CNTNAP3B: variants seen among roughly 807,000 people sequenced by gnomAD.
CNTNAP3B encodes contactin associated protein family member 3B.
A neutral mutation model predicts 108.9 loss-of-function variants in CNTNAP3B; 25 were observed. The ratio of observed to expected loss-of-function variants is 0.23; its 90% CI spans 0.17 to 0.32. CNTNAP3B has a LOEUF of 0.32. CNTNAP3B is among the 10% of genes least tolerant of loss of function. The pLI is 1.00. For synonymous variants in CNTNAP3B, 103 were observed against 473.4 expected (o/e 0.22, Z 10.16); for missense variants, 252 against 1,210.4 (o/e 0.21, Z 11.75).
intron 12 of CNTNAP3B, among the ~76,000 whole-genome samples, chr9:41,958,707 AAAC>A (rs1824956899): frequency 6.6e-6 from 1 of 150,776 alleles, no homozygotes; most frequent in Non-Finnish European, 1.5e-5. Flanking sequence ...TGAAAACAAA[AAAC>A]AAAACAAAAC....
At chr9:42,042,537 T>C (rs1587224755) in intron 3 of CNTNAP3B, among the ~76,000 whole-genome samples, 2 of 136,942 alleles carry the variant, frequency 1.5e-5, no homozygotes, top group African/African-American at 2.9e-5. Context: ...AACCATTTTT[T>C]TCTTGCCATT....
chr9:41,964,411 T>G, intron 11 of CNTNAP3B, 127 bp downstream of exon 11: 1 of 1,433,848 alleles, frequency 7.0e-7, no homozygotes, highest in South Asian at 1.5e-5. Context: ...AAACTAGAAA[T>G]TGAGTGCTGA....
chr9:41,959,763 A>T (rs1003695387), intron 12 of CNTNAP3B, among the ~76,000 whole-genome samples: 1 of 152,310 alleles, frequency 6.6e-6, no homozygotes, highest in Non-Finnish European at 1.5e-5. Context: ...ATGTAATTTC[A>T]GTTATTTGTT....
intron 13 of CNTNAP3B, among the ~76,000 whole-genome samples, chr9:41,940,341 C>G (rs1824297122): frequency 6.6e-6 from 1 of 152,392 alleles, no homozygotes; most frequent in East Asian, 1.9e-4. Context: ...ATCTTGAAAG[C>G]AGCCTGAGAG....
At chr9:42,016,882 T>A (rs1348959745) in intron 3 of CNTNAP3B, among the ~76,000 whole-genome samples, 1 of 151,186 alleles carries the variant, frequency 6.6e-6, no homozygotes, top group Non-Finnish European at 1.5e-5. Context: ...AGATTATAAA[T>A]CATTTATTTT....
intron 3 of CNTNAP3B, among the ~76,000 whole-genome samples, chr9:42,028,944 A>G (rs1826460877): frequency 6.6e-6 from 1 of 151,768 alleles, no homozygotes; most frequent in Non-Finnish European, 1.5e-5. Flanking sequence ...TGGCATTTAA[A>G]TGAGTCGGCA....
chr9:41,941,554 T>A (rs1308729452), intron 13 of CNTNAP3B, among the ~76,000 whole-genome samples: 1 of 137,340 alleles, frequency 7.3e-6, no homozygotes, highest in African/African-American at 2.8e-5. Context: ...TGGTTTCCAA[T>A]CTGATATGAC....
chr9:42,047,678 C>CCCTT (rs371573105), intron 3 of CNTNAP3B, among the ~76,000 whole-genome samples: 6,715 of 19,162 alleles, frequency 0.35, 2,018 homozygotes, highest in Middle Eastern at 0.54. Context: ...GCCCCTTCCT[C>CCCTT]CCTTCCTTCC....
chr9:41,953,392 C>T lies in CNTNAP3B; in HGVS notation c.1877-6G>A, dbSNP rs1160499129. On this transcript the variant is annotated splice_region_variant and splice_polypyrimidine_tract_variant and intron_variant, in intron 12 of 23. Coordinates refer to ENST00000377561, the MANE Select transcript of CNTNAP3B (RefSeq NM_001201380.3). ...CACCGTCCACGCGGAGTCTGCTGAGCAGAAACGGGCAAAGGAGAGGCATCA... is the reference window on the plus strand; with the variant it reads ...CACCGTCCACGCGGAGTCTGCTGAGTAGAAACGGGCAAAGGAGAGGCATCA... 4.6e-6 allele frequency: 7 copies of T among 1,536,874 alleles called. No homozygotes were observed. Among genetic ancestry groups the T allele is most frequent in the Non-Finnish European group, 6.1e-6 (7 of 1,143,724 alleles).
intron 3 of CNTNAP3B, among the ~76,000 whole-genome samples, chr9:42,058,488 T>C (rs548241908): frequency 5.5e-5 from 8 of 144,362 alleles, no homozygotes; most frequent in South Asian, 2.2e-4. Context: ...TTTTTTCATA[T>C]ACCTGTTGGC....
rs189079168 is a variant in CNTNAP3B, at chr9:42,128,372, T to C, written c.85+638A>G. Among the ~76,000 whole-genome samples, 660 of 136,108 alleles carry C rather than the reference T, an allele frequency of 4.8e-3. 97 individuals carry two copies. The highest frequency in any genetic ancestry group is 8.1e-3 in the Non-Finnish European group (516 of 64,074). 89.3% of individuals were successfully genotyped at this position (136,108 alleles called of 152,430 possible). ...TAAAATATTAGCATCCAGAGAGGAA[T>C]CATTTTCAAGATCACCTAAATGACT... On this transcript the variant is annotated intron_variant, in intron 1 of 23. Transcript: ENST00000377561.
chr9:42,098,060 C>T lies in CNTNAP3B; in HGVS notation c.196+6569G>A. 1.4e-5 allele frequency among the ~76,000 whole-genome samples: 2 copies of T among 138,554 alleles called. 1 individual carries two copies. The allele number at this position is 138,554 out of a possible 152,430, so 90.9% of individuals were successfully genotyped here. A position where few individuals can be genotyped will look rare whatever the true frequency, so the allele number is the denominator to read the frequency against. ...GGAGTGATATCTCTAAGATTTTTTT[C>T]CACAAATAAACATTCATACATATTA... On this transcript the variant is annotated intron_variant, in intron 2 of 23. Coordinates refer to ENST00000377561, the MANE Select transcript of CNTNAP3B (RefSeq NM_001201380.3).
At chr9:41,943,387 C>A (rs1318852809) in intron 13 of CNTNAP3B, among the ~76,000 whole-genome samples, 1 of 132,128 alleles carries the variant, frequency 7.6e-6, no homozygotes, top group Non-Finnish European at 1.5e-5. Flanking sequence ...GAGTCTCTCT[C>A]TGTCGCTCAG....
intron 2 of CNTNAP3B, among the ~76,000 whole-genome samples, chr9:42,103,248 A>T (rs1448352057): frequency 6.8e-6 from 1 of 147,424 alleles, no homozygotes; most frequent in Non-Finnish European, 1.5e-5. Context: ...TCTCTGCAAC[A>T]AATGAAATCA....
intron 2 of CNTNAP3B, among the ~76,000 whole-genome samples, chr9:42,080,441 C>G (rs1225586957): frequency 7.2e-6 from 1 of 139,318 alleles, no homozygotes; most frequent in African/African-American, 2.9e-5. Context: ...GCTGTGCACA[C>G]AATTTAATTA....
chr9:41,969,273 A>C (rs1343983921), intron 10 of CNTNAP3B, among the ~76,000 whole-genome samples: 2 of 150,790 alleles, frequency 1.3e-5, no homozygotes. Flanking sequence ...TGTGGTTGTA[A>C]TACTTATTTG....
At chr9:42,052,027 TATGA>T (rs1178895312) in intron 3 of CNTNAP3B, among the ~76,000 whole-genome samples, 8 of 149,704 alleles carry the variant, frequency 5.3e-5, no homozygotes. Flanking sequence ...AGCCATTTGA[TATGA>T]ATGATTAATA....
chr9:41,959,698 C>T (rs1373359351), intron 12 of CNTNAP3B, among the ~76,000 whole-genome samples: 28 of 152,414 alleles, frequency 1.8e-4, no homozygotes, highest in African/African-American at 6.5e-4. Context: ...TCTGAACATC[C>T]CCTGTAAAGT....
rs1340936962 is a variant in CNTNAP3B at position 42,053,553 on chromosome 9, G to T, written c.390+23316C>A. ...CAGAAGTCATTCACATGACAGAAGAGAAATTAGTAAATATTTCTGAGGTGG... is the reference window on the plus strand; with the variant it reads ...CAGAAGTCATTCACATGACAGAAGATAAATTAGTAAATATTTCTGAGGTGG... On this transcript the variant is annotated intron_variant, in intron 3 of 23. Transcript: ENST00000377561. Among the ~76,000 whole-genome samples the T allele has an allele frequency of 4.4e-5, 6 of 137,770 alleles. 2 individuals are homozygous for T. Among genetic ancestry groups the T allele is most frequent in the African/African-American group, 1.7e-4 (6 of 34,542 alleles). The allele number at this position is 137,770 out of a possible 152,430, so 90.4% of individuals were successfully genotyped here.
Sources: gnomAD v4.1 joint callset for allele counts (sites outside exome capture counted in the v4.1 genomes callset) on GRCh38, gnomAD v4.1.1 for gene constraint, MANE v1.5 for transcripts, NCBI Gene and HGNC (gene_info 2026-07-23, HGNC 2026-07-21) for gene names.